Variants in NPAS2 observed in about 807,000 individuals in gnomAD.
NPAS2 encodes the protein neuronal PAS domain protein 2, also known as neuronal PAS domain-containing protein 2.
In NPAS2, 23 loss-of-function variants were observed where a neutral mutation model predicts 107.5. The ratio of observed to expected loss-of-function variants is 0.21; its 90% CI spans 0.15 to 0.30. The LOEUF (loss-of-function observed/expected upper bound fraction) is 0.30, where lower values mean the gene tolerates loss of function less well. NPAS2 is among the 10% of genes least tolerant of loss of function. The pLI is 1.00. For missense variants in NPAS2, 756 were observed against 1,043.3 expected, an observed-to-expected ratio of 0.72 and a Z score of 3.79; for synonymous variants, 403 against 417.5, an observed-to-expected ratio of 0.97 and a Z score of 0.42.
chr2:100,841,198 G>T (rs1035680753), intron 1 of NPAS2, among the ~76,000 whole-genome samples: 9 of 152,178 alleles, frequency 5.9e-5, no homozygotes, highest in Non-Finnish European at 8.8e-5. Context: ...ACTTTGGGAG[G>T]CCGAGGCAGG....
chr2:100,820,321 C>G lies in NPAS2; in HGVS notation c.-116C>G, dbSNP rs1199535238. Reference sequence around the variant, plus strand: ...CCGCCCGGGAGGAGCTCGCCGCGCCCGCTCGCCGCCTCGTCTCCCAGCGGC... The same window carrying G: ...CCGCCCGGGAGGAGCTCGCCGCGCCGGCTCGCCGCCTCGTCTCCCAGCGGC... On this transcript the variant is annotated 5_prime_UTR_variant, in exon 1 of 21. Coordinates refer to ENST00000335681, the MANE Select transcript of NPAS2 (RefSeq NM_002518.4). This position sits in a 1 kb window ranked among gnomAD's most constrained non-coding sequence, Gnocchi z 5.6. 2.0e-5 allele frequency: 3 copies of G among 146,922 alleles called. No homozygotes were observed. The highest frequency in any genetic ancestry group is 4.6e-5 in the Non-Finnish European group (3 of 65,802). The allele number at this position is 146,922 out of a possible 1,614,324, so 9.1% of individuals were successfully genotyped here. A position where few individuals can be genotyped will look rare whatever the true frequency, so the allele number is the denominator to read the frequency against.
intron 1 of NPAS2, among the ~76,000 whole-genome samples, chr2:100,862,857 G>C (rs775352568): frequency 1.3e-5 from 2 of 152,204 alleles, no homozygotes; most frequent in Non-Finnish European, 2.9e-5. Flanking sequence ...CCCCAGACCA[G>C]ACATGGCAGT....
intron 1 of NPAS2, among the ~76,000 whole-genome samples, chr2:100,862,370 C>T (rs1678995675): frequency 6.6e-6 from 1 of 151,986 alleles, no homozygotes; most frequent in African/African-American, 2.4e-5. Flanking sequence ...TTTTTTGCCT[C>T]TAAATCAGAA....
chr2:100,954,681 GA>G (rs371832114), intron 7 of NPAS2, among the ~76,000 whole-genome samples: 1 of 94,510 alleles, frequency 1.1e-5, no homozygotes, highest in African/African-American at 4.6e-5. Flanking sequence ...AAAAAAAAAA[GA>G]AAAAAAAGAA....
intron 5 of NPAS2, among the ~76,000 whole-genome samples, chr2:100,946,282 G>A (rs953638063): frequency 1.3e-5 from 2 of 150,660 alleles, no homozygotes; most frequent in African/African-American, 4.9e-5. Flanking sequence ...GAGCTCTCAC[G>A]CCTTGCCATG....
In NPAS2 at chr2:100,968,160, G is replaced by A. The variant is rs1676340491; in HGVS notation, c.908-121G>A. On this transcript the variant is annotated intron_variant, in intron 10 of 20. Transcript: ENST00000335681. The surrounding 1 kb of genome is among the most constrained non-coding windows in gnomAD (Gnocchi z 5.3). ...TCACTTAAAATACAGGGCAACCGGG[G>A]AAACAAGCCATGTTTGGTATTGTCT... 1 of 1,055,718 alleles carries A rather than the reference G, an allele frequency of 9.5e-7. No homozygotes were observed. The highest frequency in any genetic ancestry group is 1.6e-5 in the African/African-American group (1 of 63,320). 65.4% of individuals were successfully genotyped at this position (1,055,718 alleles called of 1,614,324 possible). A position where few individuals can be genotyped will look rare whatever the true frequency, so the allele number is the denominator to read the frequency against.
chr2:100,922,505 C>T (rs1208047582), intron 2 of NPAS2, among the ~76,000 whole-genome samples: 2 of 152,138 alleles, frequency 1.3e-5, no homozygotes, highest in Admixed American at 1.3e-4. Context: ...ATCCCTTGAA[C>T]CCGGGAGGTG....
At chr2:100,831,603 G>A (rs930362980) in intron 1 of NPAS2, among the ~76,000 whole-genome samples, 6 of 152,066 alleles carry the variant, frequency 3.9e-5, no homozygotes, top group Non-Finnish European at 4.4e-5. Context: ...CCTCTCCAAG[G>A]CCTTCTTAAT....
chr2:100,945,043 T>TA (rs1433335050), intron 5 of NPAS2, among the ~76,000 whole-genome samples: 2 of 152,124 alleles, frequency 1.3e-5, no homozygotes, highest in East Asian at 3.9e-4. Flanking sequence ...AGTCATCTTC[T>TA]AAAAAAACTA....
At chr2:100,871,666 A>C (rs1171025976) in intron 1 of NPAS2, among the ~76,000 whole-genome samples, 3 of 151,910 alleles carry the variant, frequency 2.0e-5, no homozygotes, top group African/African-American at 7.2e-5. Context: ...TCCCTAGAGC[A>C]TCCTGTATCC....
intron 16 of NPAS2, chr2:100,982,710 C>T (rs1397962378): frequency 3.4e-6 from 1 of 296,438 alleles, no homozygotes; most frequent in Admixed American, 4.9e-5. Context: ...TAGTACCTCC[C>T]TGCACCTCTA....
chr2:100,965,026 G>C lies in NPAS2; in HGVS notation c.800+83G>C. 1 of 871,120 alleles carries C rather than the reference G, an allele frequency of 1.1e-6. No homozygotes were observed. Among genetic ancestry groups the C allele is most frequent in the Non-Finnish European group, 1.8e-6 (1 of 571,422 alleles). 54.0% of individuals were successfully genotyped at this position (871,120 alleles called of 1,614,324 possible). A position where few individuals can be genotyped will look rare whatever the true frequency, so the allele number is the denominator to read the frequency against. On this transcript the variant is annotated intron_variant, in intron 9 of 20. Transcript: ENST00000335681. The surrounding 1 kb of genome is among the most constrained non-coding windows in gnomAD (Gnocchi z 4.3). ...GCCAGGCTCTCCTTGGGAGAGAAGA[G>C]TCGGCCCTGGTCCATTGAAAGAGGA...
At chr2:100,841,509 G>A (rs777235012) in intron 1 of NPAS2, among the ~76,000 whole-genome samples, 12 of 152,162 alleles carry the variant, frequency 7.9e-5, no homozygotes, top group Admixed American at 4.6e-4. Context: ...TGAAAAATTT[G>A]GAGAAAGTGT....
chr2:100,914,350 C>T (rs1682739893), intron 2 of NPAS2, among the ~76,000 whole-genome samples: 1 of 152,298 alleles, frequency 6.6e-6, no homozygotes, highest in East Asian at 1.9e-4. Flanking sequence ...CCTCTGGATT[C>T]CAGAGTTCTA....
intron 1 of NPAS2, among the ~76,000 whole-genome samples, chr2:100,826,209 C>T (rs554631694): frequency 2.6e-5 from 4 of 152,212 alleles, no homozygotes; most frequent in East Asian, 1.9e-4. Flanking sequence ...TTTGGGAGGC[C>T]GAGGCGGGCG....
intron 12 of NPAS2, among the ~76,000 whole-genome samples, 162 bp downstream of exon 12, chr2:100,971,236 C>T (rs1350815426): frequency 7.0e-6 from 1 of 142,844 alleles, no homozygotes; most frequent in East Asian, 2.2e-4. Flanking sequence ...CACATTGAGG[C>T]TGTGGTGAGC....
At chr2:100,886,300 C>T (rs1373713853) in intron 1 of NPAS2, among the ~76,000 whole-genome samples, 1 of 152,198 alleles carries the variant, frequency 6.6e-6, no homozygotes, top group Non-Finnish European at 1.5e-5. Flanking sequence ...AACACTGTTA[C>T]ACAAGCCAAG....
At chr2:100,897,054 T>A (rs1681457584) in intron 1 of NPAS2, among the ~76,000 whole-genome samples, 2 of 152,210 alleles carry the variant, frequency 1.3e-5, no homozygotes. Context: ...CTTCTTCACA[T>A]GATGGCAGGA....
intron 1 of NPAS2, among the ~76,000 whole-genome samples, chr2:100,895,872 C>A (rs941860962): frequency 3.0e-4 from 45 of 152,162 alleles, no homozygotes; most frequent in Non-Finnish European, 8.8e-5. Context: ...TTTAGGAGCC[C>A]CTCTCTGAAA....
Sources: gnomAD v4.1 joint callset for allele counts (sites outside exome capture counted in the v4.1 genomes callset) on GRCh38, gnomAD v4.1.1 for gene constraint, Gnocchi (gnomAD v3.1) non-coding constraint, MANE v1.5 for transcripts, NCBI Gene and HGNC (gene_info 2026-07-23, HGNC 2026-07-21) for gene names.